The following A4GALT variants were observed in gnomAD, a reference collection of about 807,000 sequenced individuals.
A4GALT encodes alpha 1,4-galactosyltransferase (P1PK blood group), also known as lactosylceramide 4-alpha-galactosyltransferase.
For missense variants in A4GALT, 512 were observed against 486.0 expected (o/e 1.05, Z -0.50); for synonymous variants, 257 against 220.7 (o/e 1.16, Z -1.46).
At chr22:42,705,101 C>A (rs1920978934) in intron 1 of A4GALT, among the ~76,000 whole-genome samples, 2 of 152,160 alleles carry the variant, frequency 1.3e-5, no homozygotes, top group South Asian at 4.1e-4. Flanking sequence ...ATTACCATGG[C>A]AACAGAGGAG....
intron 1 of A4GALT, among the ~76,000 whole-genome samples, chr22:42,697,972 C>T (rs567235492): frequency 1.3e-5 from 2 of 151,380 alleles, no homozygotes; most frequent in Admixed American, 6.6e-5. Context: ...AGGGCATGGC[C>T]GGGCGCGGTG....
In A4GALT at chr22:42,693,708, G is replaced by A. The variant is rs1930685371; in HGVS notation, c.244C>T (p.Leu82=). Residue 82 remains leucine (L), a synonymous_variant, in exon 3 of 3, where the codon CTG becomes TTG. Coordinates refer to ENST00000642412, the MANE Select transcript of A4GALT (RefSeq NM_017436.7). ...GGGTTGGTCCGGTCTGAAGTCTCCA[G>A]GAAGAAGATGTTGCCTGGAGTGGGG... ...HGPTPGNIFF[L]ETSDRTNPNF... The A allele has an allele frequency of 2.1e-6, 3 of 1,405,546 alleles. No homozygotes were observed. The highest frequency in any genetic ancestry group is 2.9e-6 in the Non-Finnish European group (3 of 1,048,368). 87.1% of individuals were successfully genotyped at this position (1,405,546 alleles called of 1,614,324 possible). A position where few individuals can be genotyped will look rare whatever the true frequency, so the allele number is the denominator to read the frequency against.
chr22:42,694,302 T>A (rs937361296), intron 2 of A4GALT, among the ~76,000 whole-genome samples: 1 of 152,088 alleles, frequency 6.6e-6, no homozygotes, highest in Non-Finnish European at 1.5e-5. Flanking sequence ...CAGGCCAGAG[T>A]CTGGTCTGCG....
At chr22:42,702,491 T>C (rs977996193) in intron 1 of A4GALT, among the ~76,000 whole-genome samples, 4 of 152,104 alleles carry the variant, frequency 2.6e-5, no homozygotes, top group African/African-American at 9.7e-5. Context: ...TGCGCCACCA[T>C]GTCTGGCTAA....
intron 1 of A4GALT, among the ~76,000 whole-genome samples, chr22:42,702,155 C>T (rs1920925975): frequency 6.6e-6 from 1 of 152,098 alleles, no homozygotes; most frequent in Admixed American, 6.6e-5. Flanking sequence ...CCTCAGCAGA[C>T]ACCGGGATGC....
intron 1 of A4GALT, among the ~76,000 whole-genome samples, chr22:42,704,534 T>C (rs1159982390): frequency 6.7e-6 from 1 of 150,062 alleles, no homozygotes; most frequent in African/African-American, 2.5e-5. Context: ...AAAGAAGGGC[T>C]GAAGGGCTGT....
At chr22:42,705,826 A>G (rs1277692533) in intron 1 of A4GALT, among the ~76,000 whole-genome samples, 1 of 122,086 alleles carries the variant, frequency 8.2e-6, no homozygotes, top group Non-Finnish European at 1.9e-5. Context: ...AACAAGGTGA[A>G]ACCCCATCTC....
intron 1 of A4GALT, among the ~76,000 whole-genome samples, chr22:42,711,614 T>C (rs911481770): frequency 2.0e-5 from 3 of 152,186 alleles, no homozygotes; most frequent in Admixed American, 6.6e-5. Flanking sequence ...AAGTGCTCAA[T>C]ACATATTTTC....
intron 1 of A4GALT, among the ~76,000 whole-genome samples, chr22:42,698,239 T>G (rs1234674668): frequency 4.5e-5 from 4 of 89,564 alleles, no homozygotes. Flanking sequence ...AGAGCGAGAC[T>G]CCGTCTCAAA....
Position 42,693,356 on chromosome 22 carries a change from T to C in A4GALT, c.596A>G (p.Lys199Arg). Residue 199 changes from lysine (K) to arginine (R), a missense_variant, in exon 3 of 3, where the codon AAG becomes AGG. Lys to Arg is a conservative substitution (Grantham distance 26). Coordinates refer to ENST00000642412, the MANE Select transcript of A4GALT (RefSeq NM_017436.7). ...IYLDTDFIVL[K>R]NLRNLTNVLG... Reference sequence around the variant, plus strand: ...CACGTTGGTCAGGTTCCGCAGGTTCTTGAGAACAATGAAGTCCGTGTCCAG... The same window carrying C: ...CACGTTGGTCAGGTTCCGCAGGTTCCTGAGAACAATGAAGTCCGTGTCCAG... 1 of 1,613,248 alleles carries C rather than the reference T, an allele frequency of 6.2e-7. No individual in the cohort carries two copies. The highest frequency in any genetic ancestry group is 1.6e-4 in the Middle Eastern group (1 of 6,062).
At chr22:42,720,103 C>G (rs761242554) in intron 1 of A4GALT, among the ~76,000 whole-genome samples, 60 of 152,302 alleles carry the variant, frequency 3.9e-4, no homozygotes, top group Middle Eastern at 3.4e-3. Flanking sequence ...AGTTCCGCTC[C>G]CGCTCAGTCC....
chr22:42,711,753 C>T (rs1921716432), intron 1 of A4GALT, among the ~76,000 whole-genome samples: 1 of 152,108 alleles, frequency 6.6e-6, no homozygotes, highest in Non-Finnish European at 1.5e-5. Context: ...CCTGCCTCAG[C>T]CTCCCGGGTA....
chr22:42,693,517 G>A lies in A4GALT; in HGVS notation c.435C>T (p.Asp145=), dbSNP rs758251960. 48 of 1,613,154 alleles carry A rather than the reference G, an allele frequency of 3.0e-5. No homozygotes were observed. Among genetic ancestry groups the A allele is most frequent in the Non-Finnish European group, 3.4e-5 (40 of 1,179,986 alleles). ...GTGTGTCCCGGAACAGCTCCCGCAG[G>A]TCCAGCGGGAGCATCTGGACATTCG... ...CFPNVQMLPL[D]LRELFRDTPL... is the part of the protein sequence containing the mutation. The change falls in exon 3 of 3, where the codon GAC becomes GAT. Residue 145 remains aspartate (D), a synonymous_variant. Coordinates refer to ENST00000642412, the MANE Select transcript of A4GALT (RefSeq NM_017436.7).
chr22:42,696,725 C>A (rs1035260463), intron 1 of A4GALT, among the ~76,000 whole-genome samples: 1 of 151,904 alleles, frequency 6.6e-6, no homozygotes, highest in African/African-American at 2.4e-5. Context: ...TCAGCTCAGA[C>A]CCTGAATGAC....
chr22:42,707,250 C>T (rs551086103), intron 1 of A4GALT, among the ~76,000 whole-genome samples: 1 of 151,994 alleles, frequency 6.6e-6, no homozygotes, highest in Non-Finnish European at 1.5e-5. Context: ...CAATAACATC[C>T]AAAAAATATT....
chr22:42,709,068 T>TATATATA (rs1491586642), intron 1 of A4GALT, among the ~76,000 whole-genome samples: 1 of 41,304 alleles, frequency 2.4e-5, no homozygotes, highest in Admixed American at 3.0e-4. Flanking sequence ...TATATATATA[T>TATATATA]TTTTTTTAAG....
At chr22:42,711,866 A>G (rs1366653041) in intron 1 of A4GALT, among the ~76,000 whole-genome samples, 1 of 151,974 alleles carries the variant, frequency 6.6e-6, no homozygotes, top group African/African-American at 2.4e-5. Flanking sequence ...CAAGTGATCC[A>G]CCCACCTCGG....
intron 1 of A4GALT, among the ~76,000 whole-genome samples, chr22:42,709,815 G>A (rs1921522631): frequency 6.6e-6 from 1 of 152,026 alleles, no homozygotes; most frequent in Admixed American, 6.6e-5. Flanking sequence ...TAAAAAAATG[G>A]GGGTGATTCA....
At chr22:42,710,069 T>C (rs973543289) in intron 1 of A4GALT, among the ~76,000 whole-genome samples, 5 of 152,232 alleles carry the variant, frequency 3.3e-5, no homozygotes, top group Admixed American at 6.5e-5. Flanking sequence ...AGAGTACGAA[T>C]ACACAGTTTC....
Sources: gnomAD v4.1 joint callset for allele counts (sites outside exome capture counted in the v4.1 genomes callset) on GRCh38, gnomAD v4.1.1 for gene constraint, MANE v1.5 for transcripts, NCBI Gene and HGNC (gene_info 2026-07-23, HGNC 2026-07-21) for gene names.